Variants in CSMD1 observed in about 807,000 individuals in gnomAD.
CSMD1 encodes CUB and Sushi multiple domains 1.
Under a neutral mutation model 417.5 loss-of-function variants are expected in CSMD1, and 213 were observed. That is an observed-to-expected ratio of 0.51 (90% CI 0.46 to 0.57). The LOEUF (loss-of-function observed/expected upper bound fraction) is 0.57. Among genes scored for constraint, CSMD1 ranks in the 20% least tolerant of loss-of-function variants. The pLI is 0.00. For synonymous variants in CSMD1, 2,862 were observed against 1,736.8 expected, an observed-to-expected ratio of 1.65 and a Z score of -16.11; for missense variants, 6,923 against 4,529.7, an observed-to-expected ratio of 1.53 and a Z score of -15.17.
At chr8:4,916,608 T>A (rs1217679092) in intron 1 of CSMD1, among the ~76,000 whole-genome samples, 1 of 152,240 alleles carries the variant, frequency 6.6e-6, no homozygotes, top group Non-Finnish European at 1.5e-5. Context: ...CAGATCATCC[T>A]ACTTGGGGAA....
chr8:3,901,007 G>C (rs1807713373), intron 5 of CSMD1, among the ~76,000 whole-genome samples: 1 of 152,128 alleles, frequency 6.6e-6, no homozygotes, highest in East Asian at 1.9e-4. Context: ...AGCTGTCATA[G>C]TGTTATCATT....
At chr8:4,092,320 T>G (rs1398480820) in intron 3 of CSMD1, among the ~76,000 whole-genome samples, 1 of 152,192 alleles carries the variant, frequency 6.6e-6, no homozygotes, top group Non-Finnish European at 1.5e-5. Flanking sequence ...CTTCGTCCTT[T>G]CCTGTGTCTG....
rs1491503479 is a variant in CSMD1, at chr8:3,520,018, ACC to A, written c.1345-26294_1345-26293del. The stretch of plus-strand genomic sequence containing the variant: ...CATATATATGTGTGTGTGTGTATAT[ACC>A]TATATATATATATATATATACACGT... On this transcript the variant is annotated intron_variant, in intron 10 of 69. Coordinates refer to ENST00000635120, the MANE Select transcript of CSMD1 (RefSeq NM_033225.6). Among the ~76,000 whole-genome samples, 367 of 137,660 alleles carry A rather than the reference ACC, an allele frequency of 2.7e-3. 2 individuals are homozygous for A. The highest frequency in any genetic ancestry group is 0.013 in the South Asian group (51 of 4,078). 90.3% of individuals were successfully genotyped at this position (137,660 alleles called of 152,430 possible). A position where few individuals can be genotyped will look rare whatever the true frequency, so the allele number is the denominator to read the frequency against.
At chr8:3,954,240 C>G (rs568936392) in intron 5 of CSMD1, among the ~76,000 whole-genome samples, 1 of 152,286 alleles carries the variant, frequency 6.6e-6, no homozygotes, top group African/African-American at 2.4e-5. Flanking sequence ...AAGTCCAGAG[C>G]AGGAGTGGAA....
In CSMD1 at chr8:4,420,024, C is replaced by A. The variant is rs759121539; in HGVS notation, c.344G>T (p.Gly115Val). The change falls in exon 3 of 70, where the codon GGA becomes GTA. Residue 115 changes from glycine to valine, a missense_variant. Transcript: ENST00000635120. ...CGTGAACCACAGAGTGAGGATAGAT[C>A]CTGTACTCACTATAGAGGAGGGCAG... ...FQLPSSIVST[G>V]SILTLWFTTD... The A allele has an allele frequency of 2.5e-6, 4 of 1,582,644 alleles. No homozygotes were observed. The highest frequency in any genetic ancestry group is 1.8e-5 in the Admixed American group (1 of 55,872).
chr8:3,396,141 A>T, intron 17 of CSMD1, 53 bp downstream of exon 17: 1 of 1,449,974 alleles, frequency 6.9e-7, no homozygotes, highest in Non-Finnish European at 9.4e-7. Flanking sequence ...CCAGATCTTT[A>T]GTTCTCCCAT....
intron 3 of CSMD1, among the ~76,000 whole-genome samples, chr8:4,389,389 G>A (rs1265609150): frequency 6.6e-6 from 1 of 152,002 alleles, no homozygotes; most frequent in African/African-American, 2.4e-5. Flanking sequence ...TATTAATGAG[G>A]TCCCCAGAAT....
chr8:4,083,607 A>C (rs1450684916), intron 3 of CSMD1, among the ~76,000 whole-genome samples: 2 of 152,206 alleles, frequency 1.3e-5, no homozygotes, highest in Non-Finnish European at 2.9e-5. Flanking sequence ...TCCCTATTTA[A>C]TTAATGGTGC....
intron 12 of CSMD1, among the ~76,000 whole-genome samples, chr8:3,432,663 G>C (rs1021271991): frequency 5.9e-5 from 9 of 151,934 alleles, no homozygotes; most frequent in African/African-American, 2.2e-4. Flanking sequence ...CTACAGGCGT[G>C]TGCCACCACA....
At chr8:4,461,254 C>A (rs1043662599) in intron 2 of CSMD1, among the ~76,000 whole-genome samples, 1 of 151,950 alleles carries the variant, frequency 6.6e-6, no homozygotes, top group African/African-American at 2.4e-5. Flanking sequence ...AAGTCACCTG[C>A]GAAAAGCCTA....
chr8:3,225,787 G>T (rs1167692593), intron 27 of CSMD1, among the ~76,000 whole-genome samples: 4 of 152,202 alleles, frequency 2.6e-5, no homozygotes, highest in Non-Finnish European at 5.9e-5. Flanking sequence ...GCCTGGCCCT[G>T]TTTGTTCTCT....
At chr8:3,291,594 A>G (rs1332009699) in intron 25 of CSMD1, among the ~76,000 whole-genome samples, 4 of 151,942 alleles carry the variant, frequency 2.6e-5, no homozygotes, top group Non-Finnish European at 4.4e-5. Flanking sequence ...TTTTTTCTAG[A>G]TATTCTAGTT....
At chr8:4,870,631 C>A (rs751548909) in intron 1 of CSMD1, among the ~76,000 whole-genome samples, 15 of 151,992 alleles carry the variant, frequency 9.9e-5, no homozygotes, top group Non-Finnish European at 2.2e-4. Flanking sequence ...AGGTAAAATC[C>A]CAGCGCACCA....
At chr8:4,468,185 CTGTG>C (rs921266960) in intron 2 of CSMD1, among the ~76,000 whole-genome samples, 24 of 152,266 alleles carry the variant, frequency 1.6e-4, no homozygotes, top group African/African-American at 5.5e-4. Context: ...ACTTGTCACG[CTGTG>C]TAAGTTGAGA....
intron 2 of CSMD1, among the ~76,000 whole-genome samples, chr8:4,589,373 T>C (rs564318732): frequency 2.0e-5 from 3 of 152,166 alleles, no homozygotes; most frequent in Non-Finnish European, 4.4e-5. Context: ...ATCTCACTCT[T>C]CTCAGGGACT....
At chr8:4,639,549 A>G (rs1420500023) in intron 1 of CSMD1, among the ~76,000 whole-genome samples, 1 of 152,174 alleles carries the variant, frequency 6.6e-6, no homozygotes, top group Non-Finnish European at 1.5e-5. Context: ...CCCATTTCCC[A>G]CTAATGTGCT....
At chr8:4,142,337 T>C (rs1803840589) in intron 3 of CSMD1, among the ~76,000 whole-genome samples, 1 of 151,134 alleles carries the variant, frequency 6.6e-6, no homozygotes, top group Admixed American at 6.6e-5. Context: ...TAGCCTACTC[T>C]ACGAGGTTAT....
At chr8:3,655,815 T>A (rs2469390) in intron 7 of CSMD1, among the ~76,000 whole-genome samples, 5 of 151,978 alleles carry the variant, frequency 3.3e-5, no homozygotes, top group Non-Finnish European at 5.9e-5. Flanking sequence ...AGTCTTCCAA[T>A]ATTTTCAGGA....
chr8:3,228,046 G>A (rs1049221360), intron 27 of CSMD1, among the ~76,000 whole-genome samples: 1 of 152,132 alleles, frequency 6.6e-6, no homozygotes, highest in Non-Finnish European at 1.5e-5. Flanking sequence ...GGGATTACAG[G>A]TGTGAGCCAC....
Sources: gnomAD v4.1 joint callset for allele counts (sites outside exome capture counted in the v4.1 genomes callset) on GRCh38, gnomAD v4.1.1 for gene constraint, MANE v1.5 for transcripts, NCBI Gene and HGNC (gene_info 2026-07-23, HGNC 2026-07-21) for gene names.